STIM1: variants seen among roughly 807,000 people sequenced by gnomAD.
The protein encoded by STIM1 is stromal interaction molecule 1.
STIM1 carries 25 observed loss-of-function variants against 74.7 expected under a neutral mutation model. That is an observed-to-expected ratio of 0.33 (90% CI 0.24 to 0.47). STIM1 has a LOEUF of 0.47. Ranked by LOEUF, STIM1 falls within the 20% of genes least tolerant of loss-of-function variation. The pLI is 1.00. For synonymous variants in STIM1, 328 were observed against 348.8 expected (o/e 0.94, Z 0.66); for missense variants, 728 against 920.8 (o/e 0.79, Z 2.71).
chr11:4,080,363 C>G (rs1458529020), intron 7 of STIM1, among the ~76,000 whole-genome samples: 1 of 152,184 alleles, frequency 6.6e-6, no homozygotes, highest in African/African-American at 2.4e-5. Flanking sequence ...GTCTTCCCAT[C>G]AGACATTTAT....
chr11:3,924,713 C>T (rs182883758), intron 1 of STIM1, among the ~76,000 whole-genome samples: 86 of 152,242 alleles, frequency 5.6e-4, no homozygotes, highest in African/African-American at 2.0e-3. Context: ...AGTGCTATTT[C>T]TTTAATCTTA....
Position 4,092,079 on chromosome 11 carries a change from G to A in STIM1, c.*281G>A. On this transcript the variant is annotated 3_prime_UTR_variant, in exon 13 of 13. Coordinates refer to ENST00000526596, the MANE Select transcript of STIM1 (RefSeq NM_001382567.1). ...GCATGTCTTAGTTGCTGTTCCCTCA[G>A]CTCCCAGCTCCACCTCTGGGGTTCA... 1 of 494,632 alleles carries A rather than the reference G, an allele frequency of 2.0e-6. No homozygotes were observed. Among genetic ancestry groups the A allele is most frequent in the Non-Finnish European group, 3.7e-6 (1 of 271,830 alleles). 30.6% of individuals were successfully genotyped at this position (494,632 alleles called of 1,614,324 possible).
Position 4,091,866 on chromosome 11 carries a change from T to C in STIM1, c.*68T>C. ...GGTGTTCTGTCTCTCCTTCCCTCCC[T>C]TCCTTCAAGATAACTGGCCCCAAGA... On this transcript the variant is annotated 3_prime_UTR_variant, in exon 13 of 13. Coordinates refer to ENST00000526596, the MANE Select transcript of STIM1 (RefSeq NM_001382567.1). 2 of 1,588,402 alleles carry C rather than the reference T, an allele frequency of 1.3e-6. No homozygotes were observed. The highest frequency in any genetic ancestry group is 1.7e-6 in the Non-Finnish European group (2 of 1,173,708).
chr11:4,048,301 A>T lies in STIM1; in HGVS notation c.386-7225A>T, dbSNP rs1039791403. Among the ~76,000 whole-genome samples, 12 of 152,258 alleles carry T rather than the reference A, an allele frequency of 7.9e-5. 1 individual carries two copies. The highest frequency in any genetic ancestry group is 1.8e-4 in the Non-Finnish European group (12 of 68,048). ...AATACATCTTGGACCTGCAGTGCTG[A>T]CTTAAATTATTTTTATTATAATGTT... On this transcript the variant is annotated intron_variant, in intron 3 of 12. Transcript: ENST00000526596.
intron 2 of STIM1, among the ~76,000 whole-genome samples, chr11:3,991,741 G>A (rs11030536): frequency 0.38 from 57,144 of 150,134 alleles, 12,421 homozygotes; most frequent in Non-Finnish European, 0.48. Context: ...CTGAGGTCGG[G>A]GTTCAAGACC....
At chr11:4,066,402 C>G (rs1308702572) in intron 5 of STIM1, among the ~76,000 whole-genome samples, 1 of 152,178 alleles carries the variant, frequency 6.6e-6, no homozygotes, top group Non-Finnish European at 1.5e-5. Context: ...TAAAACCTCC[C>G]TGCATTCTCC....
chr11:3,918,003 C>T (rs918909982), intron 1 of STIM1, among the ~76,000 whole-genome samples: 1 of 152,106 alleles, frequency 6.6e-6, no homozygotes, highest in East Asian at 1.9e-4. Context: ...ACAGACTTAA[C>T]CAAGAGAGGG....
intron 2 of STIM1, among the ~76,000 whole-genome samples, chr11:4,011,116 T>C (rs1245969250): frequency 6.6e-6 from 1 of 152,196 alleles, no homozygotes; most frequent in African/African-American, 2.4e-5. Context: ...TCCAGTCTGT[T>C]ATTGATGGAC....
intron 4 of STIM1, among the ~76,000 whole-genome samples, chr11:4,058,155 C>T (rs2094305363): frequency 6.6e-6 from 1 of 152,210 alleles, no homozygotes; most frequent in African/African-American, 2.4e-5. Flanking sequence ...ACCCCAAGAA[C>T]TCCCAGGCTT....
chr11:3,909,224 A>C (rs1342653373), intron 1 of STIM1, among the ~76,000 whole-genome samples: 1 of 152,222 alleles, frequency 6.6e-6, no homozygotes, highest in Non-Finnish European at 1.5e-5. Flanking sequence ...AACTGGGGTC[A>C]GTGATGTCTC....
rs2094504287 is a variant in STIM1 at position 4,088,258 on chromosome 11, CCTCTGGAAGTACTTCTCAT to C, written c.1634+1721_1634+1739del. Among the ~76,000 whole-genome samples, 3 of 152,266 alleles carry C rather than the reference CCTCTGGAAGTACTTCTCAT, an allele frequency of 2.0e-5. No individual in the cohort carries two copies. In the South Asian group the frequency reaches 6.2e-4, roughly 32 times the overall value. On this transcript the variant is annotated intron_variant, in intron 12 of 12. Coordinates refer to ENST00000526596, the MANE Select transcript of STIM1 (RefSeq NM_001382567.1). ...TAGGAGACCTTCAGAAAGTCCTTCCCCTCTGGAAGTACTTCTCATCTCTGAAATGGTGACCACAGCCCAG... is the reference window on the plus strand; with the variant it reads ...TAGGAGACCTTCAGAAAGTCCTTCCCCTCTGAAATGGTGACCACAGCCCAG...
At chr11:4,036,774 G>A (rs949303548) in intron 3 of STIM1, among the ~76,000 whole-genome samples, 2 of 152,154 alleles carry the variant, frequency 1.3e-5, no homozygotes, top group Non-Finnish European at 2.9e-5. Flanking sequence ...CAGATGGATA[G>A]ATTGCAAACA....
At chr11:3,998,760 AG>A (rs2093684913) in intron 2 of STIM1, among the ~76,000 whole-genome samples, 1 of 152,168 alleles carries the variant, frequency 6.6e-6, no homozygotes, top group South Asian at 2.1e-4. Flanking sequence ...AAAACTTCAC[AG>A]AAGGCAGTGA....
intron 4 of STIM1, among the ~76,000 whole-genome samples, chr11:4,056,619 T>C (rs964360937): frequency 6.6e-6 from 1 of 152,210 alleles, no homozygotes; most frequent in Admixed American, 6.5e-5. Flanking sequence ...ATGCCCACAC[T>C]TTGCAGTCTC....
chr11:3,895,431 A>C (rs1346599320), intron 1 of STIM1, among the ~76,000 whole-genome samples: 1 of 152,096 alleles, frequency 6.6e-6, no homozygotes, highest in South Asian at 2.1e-4. Context: ...GAATGACAAA[A>C]ATTCCTTCCA....
intron 3 of STIM1, among the ~76,000 whole-genome samples, chr11:4,053,871 G>A (rs2094265889): frequency 3.3e-5 from 5 of 152,280 alleles, no homozygotes; most frequent in African/African-American, 1.2e-4. Context: ...GCCTCTCAAA[G>A]TGCTGGAATT....
intron 1 of STIM1, among the ~76,000 whole-genome samples, chr11:3,923,366 T>G (rs1323229283): frequency 2.6e-5 from 4 of 152,032 alleles, no homozygotes; most frequent in Non-Finnish European, 5.9e-5. Flanking sequence ...CCCAGCACTA[T>G]GGGAGGTTGA....
intron 1 of STIM1, among the ~76,000 whole-genome samples, chr11:3,938,278 G>A (rs1310242817): frequency 6.6e-6 from 1 of 152,072 alleles, no homozygotes; most frequent in Non-Finnish European, 1.5e-5. Flanking sequence ...CAGAAGTAAG[G>A]GGAGTCAAAG....
chr11:3,908,251 T>C (rs1457398674), intron 1 of STIM1, among the ~76,000 whole-genome samples: 1 of 152,210 alleles, frequency 6.6e-6, no homozygotes, highest in African/African-American at 2.4e-5. Context: ...GCTTTATATA[T>C]ATTTGTTTAC....
Sources: gnomAD v4.1 joint callset for allele counts (sites outside exome capture counted in the v4.1 genomes callset) on GRCh38, gnomAD v4.1.1 for gene constraint, MANE v1.5 for transcripts, NCBI Gene and HGNC (gene_info 2026-07-23, HGNC 2026-07-21) for gene names.